Variants in RBM47 observed in about 807,000 individuals in gnomAD.
RBM47 encodes the protein RNA binding motif protein 47.
RBM47 carries 21 observed loss-of-function variants against 47.1 expected under a neutral mutation model. The observed-to-expected ratio is 0.45, with a 90% CI of 0.32 to 0.64. RBM47 has a LOEUF of 0.64. Ranked by LOEUF, RBM47 falls within the 30% of genes least tolerant of loss-of-function variation. RBM47 has a pLI of 0.05. For missense variants in RBM47, 708 were observed against 870.9 expected (o/e 0.81, Z 2.35); for synonymous variants, 375 against 361.7 (o/e 1.04, Z -0.42).
At chr4:40,516,313 T>G (rs1725576192) in intron 2 of RBM47, among the ~76,000 whole-genome samples, 1 of 147,440 alleles carries the variant, frequency 6.8e-6, no homozygotes. Flanking sequence ...CAGGCTGGAG[T>G]GCAGTGGCAC....
intron 1 of RBM47, among the ~76,000 whole-genome samples, chr4:40,604,403 TCCCTTGAAGCCAGGAGTTTA>T (rs1269456712): frequency 1.3e-5 from 2 of 152,056 alleles, no homozygotes; most frequent in African/African-American, 4.8e-5. Context: ...GGCAGGAGGA[TCCCTTGAAGCCAGGAGTTTA>T]AAACCAGCCT....
At chr4:40,547,106 G>A (rs1191381837) in intron 1 of RBM47, among the ~76,000 whole-genome samples, 1 of 152,066 alleles carries the variant, frequency 6.6e-6, no homozygotes, top group Non-Finnish European at 1.5e-5. Context: ...CTAGCTCCTG[G>A]GTTCCCTTTT....
intron 1 of RBM47, among the ~76,000 whole-genome samples, chr4:40,569,012 TAGATAGACAGACAGAC>T (rs1380534013): frequency 7.3e-4 from 66 of 90,636 alleles, no homozygotes; most frequent in African/African-American, 2.3e-3. Context: ...GATAGATAGA[TAGATAGACAGACAGAC>T]AGACAGACAG....
chr4:40,518,454 G>A (rs1216749311), intron 2 of RBM47, among the ~76,000 whole-genome samples: 1 of 152,066 alleles, frequency 6.6e-6, no homozygotes, highest in Non-Finnish European at 1.5e-5. Context: ...GGGACTACAG[G>A]CGTGAGCAAC....
chr4:40,453,630 GCAGTTAGCACCA>G (rs1317890591), intron 3 of RBM47, among the ~76,000 whole-genome samples: 3 of 152,158 alleles, frequency 2.0e-5, no homozygotes, highest in African/African-American at 7.2e-5. Context: ...CTGACTGTCA[GCAGTTAGCACCA>G]TGAGAGAATT....
chr4:40,628,690 A>G lies in RBM47; in HGVS notation c.-240+706T>C, dbSNP rs187062833. ...AAAAAAAAGGTTTGATTTTTAGTTC[A>G]GGTCGGTAATGGCCTGTAAGTACCT... On this transcript the variant is annotated intron_variant, in intron 1 of 6. Transcript: ENST00000295971. This position sits in a 1 kb window ranked among gnomAD's most constrained non-coding sequence, Gnocchi z 4.0. Among the ~76,000 whole-genome samples, 6 of 152,352 alleles carry G rather than the reference A, an allele frequency of 3.9e-5. No individual in the cohort carries two copies. The East Asian group carries it at 1.2e-3, about 29-fold the overall frequency.
Position 40,600,985 on chromosome 4 carries a change from CAAAAAAA to C in RBM47, c.-240+28404_-240+28410del, listed in dbSNP as rs56054491. Among the ~76,000 whole-genome samples the C allele has an allele frequency of 6.0e-5, 3 of 50,110 alleles. No homozygotes were observed. In the East Asian group the frequency reaches 1.5e-3, roughly 26 times the overall value. 32.9% of individuals were successfully genotyped at this position (50,110 alleles called of 152,430 possible). On this transcript the variant is annotated intron_variant, in intron 1 of 6. Transcript: ENST00000295971. ...AGGCAACAAGAGTGAAACTCCGTCT[CAAAAAAA>C]AAAAAAAAAAGAAAGAAGAACATAA...
intron 1 of RBM47, among the ~76,000 whole-genome samples, chr4:40,569,717 AT>A (rs35808684): frequency 0.055 from 4,897 of 88,682 alleles, 274 homozygotes; most frequent in African/African-American, 0.18. Context: ...CTCTATTCTC[AT>A]TTTTTTTTTT....
At chr4:40,589,869 C>T (rs1219147906) in intron 1 of RBM47, among the ~76,000 whole-genome samples, 1 of 152,098 alleles carries the variant, frequency 6.6e-6, no homozygotes, top group Non-Finnish European at 1.5e-5. Context: ...ATCATAAGTA[C>T]CTGGAGGGGC....
intron 5 of RBM47, among the ~76,000 whole-genome samples, chr4:40,435,356 C>G (rs1310281179): frequency 1.3e-5 from 2 of 152,058 alleles, no homozygotes; most frequent in Non-Finnish European, 2.9e-5. Flanking sequence ...CGAGAACAGC[C>G]TGGGCAATGT....
chr4:40,504,705 G>C (rs775135646), intron 2 of RBM47, among the ~76,000 whole-genome samples: 1 of 152,058 alleles, frequency 6.6e-6, no homozygotes, highest in Non-Finnish European at 1.5e-5. Context: ...TCTATGATAA[G>C]GCCTTGTTAA....
At chr4:40,452,178 A>G (rs946686782) in intron 3 of RBM47, among the ~76,000 whole-genome samples, 1 of 152,102 alleles carries the variant, frequency 6.6e-6, no homozygotes, top group African/African-American at 2.4e-5. Flanking sequence ...TCAAAAAAAA[A>G]AAAAAGAAGG....
At chr4:40,440,104 A>G (rs1050296402) in intron 3 of RBM47, among the ~76,000 whole-genome samples, 6 of 152,200 alleles carry the variant, frequency 3.9e-5, no homozygotes. Context: ...GCTGCAGACT[A>G]TACTTCTGTA....
intron 2 of RBM47, among the ~76,000 whole-genome samples, chr4:40,475,341 C>A (rs913555047): frequency 2.0e-5 from 3 of 152,092 alleles, no homozygotes; most frequent in African/African-American, 7.2e-5. Context: ...CAAATATGGG[C>A]AACACTGCTG....
intron 2 of RBM47, among the ~76,000 whole-genome samples, chr4:40,511,477 T>C (rs1218725524): frequency 2.6e-5 from 4 of 152,194 alleles, no homozygotes; most frequent in African/African-American, 9.6e-5. Flanking sequence ...CATAGAAGCA[T>C]TATTATCATA....
At chr4:40,552,318 A>C (rs566899675) in intron 1 of RBM47, among the ~76,000 whole-genome samples, 1 of 152,024 alleles carries the variant, frequency 6.6e-6, no homozygotes, top group Non-Finnish European at 1.5e-5. Flanking sequence ...GAATTGCTTG[A>C]ACCTGGGAGG....
chr4:40,626,422 AGAG>A (rs1578094516), intron 1 of RBM47, among the ~76,000 whole-genome samples: 2 of 152,206 alleles, frequency 1.3e-5, no homozygotes, highest in African/African-American at 4.8e-5. Flanking sequence ...TTACAAAAGG[AGAG>A]GAGGAGCCTC....
At position 40,438,809 on chromosome 4, in the gene RBM47, C is replaced by A. The variant is rs1470836358; in HGVS notation, c.85G>T (p.Ala29Ser). 2 of 1,544,290 alleles carry A rather than the reference C, an allele frequency of 1.3e-6. No homozygotes were observed. The highest frequency in any genetic ancestry group is 2.7e-5 in the African/African-American group (2 of 73,654). Residue 29 changes from alanine to serine, a missense_variant, in exon 4 of 7, where the codon GCG becomes TCG. Coordinates refer to ENST00000295971, the MANE Select transcript of RBM47 (RefSeq NM_001098634.2). The stretch of plus-strand genomic sequence containing the variant: ...GCCAGCAGTGCTGCCTCGTTGGGCG[C>A]GCCCGCCACGCCCTCGGGCACCTTG... The part of the protein sequence containing the change: ...SAKVPEGVAG[A>S]PNEAALLALM...
chr4:40,462,753 A>AT (rs1480653006), intron 3 of RBM47, among the ~76,000 whole-genome samples: 1 of 152,180 alleles, frequency 6.6e-6, no homozygotes. Flanking sequence ...TCAAAAGTAC[A>AT]TCTTTAAAAG....
Sources: allele counts gnomAD v4.1 joint callset (sites outside exome capture counted in the v4.1 genomes callset), GRCh38; gene constraint gnomAD v4.1.1; non-coding constraint Gnocchi (gnomAD v3.1); transcripts MANE v1.5; gene names NCBI Gene and HGNC (gene_info 2026-07-23, HGNC 2026-07-21).